Variants in GRIK1 observed in about 807,000 individuals in gnomAD.
GRIK1 encodes the protein glutamate ionotropic receptor kainate type subunit 1, also known as glutamate receptor ionotropic, kainate 1.
Under a neutral mutation model 105.7 loss-of-function variants are expected in GRIK1, and 69 were observed. The ratio of observed to expected loss-of-function variants is 0.65; its 90% CI spans 0.54 to 0.80. GRIK1 has a LOEUF of 0.80. GRIK1 is among the 30% of genes least tolerant of loss of function. The pLI is 0.00. For missense variants in GRIK1, 1,109 were observed against 1,167.3 expected (o/e 0.95, Z 0.73); for synonymous variants, 438 against 431.3 (o/e 1.02, Z -0.19).
intron 1 of GRIK1, among the ~76,000 whole-genome samples, chr21:29,841,998 A>AT (rs2067996568): frequency 2.0e-5 from 3 of 152,012 alleles, no homozygotes; most frequent in Admixed American, 6.6e-5. Flanking sequence ...TCAAATGTTT[A>AT]TTTTTTTCTG....
At chr21:29,611,909 T>G (rs933573482) in intron 7 of GRIK1, among the ~76,000 whole-genome samples, 1 of 152,200 alleles carries the variant, frequency 6.6e-6, no homozygotes, top group Non-Finnish European at 1.5e-5. Context: ...GTTTGAAGTG[T>G]GAGTTGCCCA....
intron 1 of GRIK1, among the ~76,000 whole-genome samples, chr21:29,775,754 A>G (rs2065927148): frequency 6.6e-6 from 1 of 152,108 alleles, no homozygotes; most frequent in Non-Finnish European, 1.5e-5. Flanking sequence ...TGCATTTTAG[A>G]ACTTCTCCCC....
intron 1 of GRIK1, among the ~76,000 whole-genome samples, chr21:29,864,402 A>C (rs2068740356): frequency 6.6e-6 from 1 of 152,038 alleles, no homozygotes; most frequent in Non-Finnish European, 1.5e-5. Context: ...GACCTCTTAA[A>C]TCAATACTCA....
intron 1 of GRIK1, among the ~76,000 whole-genome samples, chr21:29,890,425 C>G (rs1027412406): frequency 6.6e-6 from 1 of 151,990 alleles, no homozygotes; most frequent in Non-Finnish European, 1.5e-5. Flanking sequence ...GAATTTTCTG[C>G]CTAAAGCTCA....
chr21:29,620,802 T>TATATATATATATAG (rs1276169939), intron 7 of GRIK1, among the ~76,000 whole-genome samples: 16 of 127,416 alleles, frequency 1.3e-4, no homozygotes, highest in African/African-American at 5.0e-4. Context: ...TCTATATATA[T>TATATATATATATAG]ATAGATATAT....
At position 29,561,739 on chromosome 21, in the gene GRIK1, G is replaced by T; in HGVS notation, c.2241C>A (p.Asp747Glu). The change falls in exon 15 of 18, where the codon GAC becomes GAA. Residue 747 changes from aspartate to glutamate, a missense_variant. Physicochemically the swap from Asp to Glu is conservative, Grantham distance 45. Transcript: ENST00000327783. ...DEGIQRVLTT[D>E]YALLMESTSI... ...TGGTGGACTCCATCAGCAGCGCGTA[G>T]TCTGTGGTGAGCACTCTCTGGATCC... 6.2e-7 allele frequency: 1 copy of T among 1,613,712 alleles called. No homozygotes were observed.
At chr21:29,806,151 C>T (rs1303158178) in intron 1 of GRIK1, among the ~76,000 whole-genome samples, 1 of 152,034 alleles carries the variant, frequency 6.6e-6, no homozygotes, top group Non-Finnish European at 1.5e-5. Flanking sequence ...AGTATTTATG[C>T]TTATAAAATT....
At chr21:29,583,238 C>T (rs2091060086) in intron 12 of GRIK1, among the ~76,000 whole-genome samples, 2 of 151,996 alleles carry the variant, frequency 1.3e-5, no homozygotes, top group Admixed American at 1.3e-4. Flanking sequence ...AATGTTTCAA[C>T]AATATAATTA....
intron 1 of GRIK1, among the ~76,000 whole-genome samples, chr21:29,916,257 A>G (rs576788973): frequency 1.3e-5 from 2 of 152,062 alleles, no homozygotes; most frequent in South Asian, 4.1e-4. Flanking sequence ...ATGTTGTAAG[A>G]ATGAAATGAG....
At chr21:29,684,948 T>C (rs2063460913) in intron 3 of GRIK1, among the ~76,000 whole-genome samples, 1 of 152,236 alleles carries the variant, frequency 6.6e-6, no homozygotes, top group African/African-American at 2.4e-5. Context: ...TCTATTAATA[T>C]CTATCATCTA....
At chr21:29,743,737 T>A (rs1372360110) in intron 1 of GRIK1, among the ~76,000 whole-genome samples, 1 of 152,086 alleles carries the variant, frequency 6.6e-6, no homozygotes, top group African/African-American at 2.4e-5. Context: ...TTTGTTTTAT[T>A]TTGAGCAATC....
intron 1 of GRIK1, among the ~76,000 whole-genome samples, chr21:29,752,336 A>C (rs1054319865): frequency 6.6e-6 from 1 of 152,218 alleles, no homozygotes; most frequent in Non-Finnish European, 1.5e-5. Flanking sequence ...TAATTTAACT[A>C]TAAGAACAAG....
At chr21:29,612,811 A>T (rs1263447888) in intron 7 of GRIK1, among the ~76,000 whole-genome samples, 1 of 152,236 alleles carries the variant, frequency 6.6e-6, no homozygotes, top group African/African-American at 2.4e-5. Flanking sequence ...TAGGCTATGC[A>T]TTGATTTTCA....
chr21:29,601,648 T>C (rs1419164115), intron 7 of GRIK1, among the ~76,000 whole-genome samples: 3 of 152,218 alleles, frequency 2.0e-5, no homozygotes, highest in Non-Finnish European at 4.4e-5. Flanking sequence ...CTTATTGTGC[T>C]ATTTTGGTCC....
chr21:29,879,645 GT>G (rs1370625103), intron 1 of GRIK1, among the ~76,000 whole-genome samples: 2 of 152,000 alleles, frequency 1.3e-5, no homozygotes, highest in South Asian at 2.1e-4. Context: ...TGTTATTGCT[GT>G]TTTTTTCCCC....
intron 9 of GRIK1, chr21:29,596,204 A>G: frequency 4.6e-6 from 2 of 430,944 alleles, no homozygotes; most frequent in East Asian, 5.2e-5. Flanking sequence ...AGGAATATAA[A>G]TAGGTCAGTG....
At chr21:29,759,336 C>A (rs1021331449) in intron 1 of GRIK1, among the ~76,000 whole-genome samples, 3 of 152,086 alleles carry the variant, frequency 2.0e-5, no homozygotes, top group Non-Finnish European at 4.4e-5. Flanking sequence ...CCAGGATGGT[C>A]TCAAGTCTCC....
chr21:29,660,931 C>T (rs537244333), intron 4 of GRIK1, among the ~76,000 whole-genome samples: 129 of 152,288 alleles, frequency 8.5e-4, no homozygotes, highest in African/African-American at 2.8e-3. Context: ...TGAATGATAT[C>T]AAGTCTCCGA....
At chr21:29,784,663 A>G (rs1171946826) in intron 1 of GRIK1, among the ~76,000 whole-genome samples, 1 of 152,222 alleles carries the variant, frequency 6.6e-6, no homozygotes, top group Non-Finnish European at 1.5e-5. Flanking sequence ...TTACAGAAAT[A>G]AAAATAAAAT....
Sources: gnomAD v4.1 joint callset for allele counts (sites outside exome capture counted in the v4.1 genomes callset) on GRCh38, gnomAD v4.1.1 for gene constraint, MANE v1.5 for transcripts, NCBI Gene and HGNC (gene_info 2026-07-23, HGNC 2026-07-21) for gene names.